The following SLC22A24 variants were observed in gnomAD, a reference collection of about 807,000 sequenced individuals.
The protein encoded by SLC22A24 is solute carrier family 22 member 24.
Under a neutral mutation model 49.8 loss-of-function variants are expected in SLC22A24, and 53 were observed. That is an observed-to-expected ratio of 1.06 (90% CI 0.85 to 1.34). SLC22A24 has a LOEUF of 1.34. Ranked by LOEUF, SLC22A24 falls within the 40% of genes most tolerant of loss-of-function variation. The pLI is 0.00. For missense variants in SLC22A24, 786 were observed against 675.9 expected (o/e 1.16, Z -1.81); for synonymous variants, 302 against 256.4 (o/e 1.18, Z -1.70).
At chr11:63,119,515 T>C (rs1309304775) in intron 2 of SLC22A24, among the ~76,000 whole-genome samples, 180 bp from the exon 3 acceptor site, 1 of 152,148 alleles carries the variant, frequency 6.6e-6, no homozygotes, top group Non-Finnish European at 1.5e-5. Context: ...ACCCTCCCTA[T>C]TTGTCAGTAT....
chr11:63,120,464 TA>T (rs1203548957), intron 2 of SLC22A24, among the ~76,000 whole-genome samples: 88 of 148,630 alleles, frequency 5.9e-4, no homozygotes, highest in East Asian at 1.2e-3. Context: ...AAAAAATAAA[TA>T]AAAAAAAAGA....
intron 5 of SLC22A24, among the ~76,000 whole-genome samples, chr11:63,098,181 T>C (rs1214144048): frequency 2.6e-5 from 4 of 152,090 alleles, no homozygotes; most frequent in African/African-American, 4.8e-5. Context: ...CTTTAGAAAC[T>C]ATACAGACAC....
intron 1 of SLC22A24, among the ~76,000 whole-genome samples, chr11:63,142,073 CATT>C (rs2087419062): frequency 1.3e-5 from 2 of 152,090 alleles, no homozygotes; most frequent in Admixed American, 1.3e-4. Context: ...TCCTAGGACT[CATT>C]ATTTACCTTA....
At chr11:63,100,274 C>G (rs1467322124) in intron 5 of SLC22A24, among the ~76,000 whole-genome samples, 1 of 151,972 alleles carries the variant, frequency 6.6e-6, no homozygotes, top group Non-Finnish European at 1.5e-5. Flanking sequence ...TATATGACAA[C>G]AGTGAACAAT....
intron 6 of SLC22A24, among the ~76,000 whole-genome samples, chr11:63,088,303 A>G (rs2135194531): frequency 6.6e-6 from 1 of 152,268 alleles, no homozygotes; most frequent in East Asian, 1.9e-4. Context: ...GTGGACCTCA[A>G]ACAAACTGCA....
At chr11:63,096,228 G>T in intron 5 of SLC22A24, 122 bp from the exon 6 acceptor site, 2 of 631,858 alleles carry the variant, frequency 3.2e-6, no homozygotes, top group Non-Finnish European at 5.6e-6. Flanking sequence ...TTTCTGTCTA[G>T]TGGGGAATAT....
chr11:63,104,117 T>C, intron 5 of SLC22A24, 58 bp downstream of exon 5: 3 of 1,535,028 alleles, frequency 2.0e-6, no homozygotes, highest in South Asian at 2.4e-5. Flanking sequence ...TAGACTAGTA[T>C]GATTGTGAGG....
chr11:63,103,340 C>T (rs145345137), intron 5 of SLC22A24, among the ~76,000 whole-genome samples: 57 of 152,244 alleles, frequency 3.7e-4, no homozygotes, highest in Admixed American at 8.5e-4. Context: ...AAAGTGGATA[C>T]TTCCTCTGTG....
chr11:63,098,186 A>G (rs936646286), intron 5 of SLC22A24, among the ~76,000 whole-genome samples: 1 of 152,182 alleles, frequency 6.6e-6, no homozygotes, highest in African/African-American at 2.4e-5. Context: ...GAAACTATAC[A>G]GACACATGGA....
intron 5 of SLC22A24, among the ~76,000 whole-genome samples, chr11:63,097,676 A>G (rs551389224): frequency 8.5e-5 from 13 of 152,316 alleles, no homozygotes; most frequent in African/African-American, 2.4e-4. Flanking sequence ...ATGTGCATCA[A>G]TGATAGACTG....
intron 5 of SLC22A24, among the ~76,000 whole-genome samples, chr11:63,096,388 C>T (rs545465027): frequency 1.3e-5 from 2 of 152,092 alleles, no homozygotes; most frequent in Non-Finnish European, 2.9e-5. Flanking sequence ...CATTATAAAT[C>T]GGAGGAAATG....
chr11:63,122,134 A>G (rs1488669919), intron 2 of SLC22A24, among the ~76,000 whole-genome samples: 1 of 152,072 alleles, frequency 6.6e-6, no homozygotes, highest in Admixed American at 6.6e-5. Context: ...ATTTACCATC[A>G]TTTTTCTTTT....
At chr11:63,131,726 T>A (rs2087336908) in intron 2 of SLC22A24, among the ~76,000 whole-genome samples, 3 of 152,206 alleles carry the variant, frequency 2.0e-5, no homozygotes, top group African/African-American at 7.2e-5. Context: ...TGTCTTCGTT[T>A]CTACCTTGGT....
At chr11:63,109,141 C>G (rs1407944513) in intron 4 of SLC22A24, among the ~76,000 whole-genome samples, 1 of 150,802 alleles carries the variant, frequency 6.6e-6, no homozygotes, top group African/African-American at 2.4e-5. Flanking sequence ...ATGATGATTT[C>G]CAGTTTCATC....
intron 2 of SLC22A24, among the ~76,000 whole-genome samples, chr11:63,130,538 C>T (rs779720089): frequency 1.2e-4 from 19 of 152,078 alleles, no homozygotes; most frequent in African/African-American, 4.6e-4. Context: ...GGAATAGTTT[C>T]AGAAGGAATG....
intron 4 of SLC22A24, among the ~76,000 whole-genome samples, chr11:63,117,552 C>A (rs953640243): frequency 2.0e-5 from 3 of 152,166 alleles, no homozygotes; most frequent in Non-Finnish European, 4.4e-5. Context: ...TTTGCCACCC[C>A]TGAGATGGCA....
intron 2 of SLC22A24, among the ~76,000 whole-genome samples, chr11:63,129,735 A>T (rs78691104): frequency 0.024 from 3,609 of 152,166 alleles, 124 homozygotes; most frequent in African/African-American, 0.081. Flanking sequence ...TTCTCTTTGT[A>T]GTAACTGTGG....
At position 63,096,029 on chromosome 11, in the gene SLC22A24, G is replaced by C. The variant is rs2087052261; in HGVS notation, c.1032C>G (p.Pro344=). The change falls in exon 6 of 10, where the codon CCC becomes CCG. Residue 344 remains proline, a synonymous_variant. Coordinates refer to ENST00000612278, the MANE Select transcript of SLC22A24 (RefSeq NM_001136506.2). ...KTSIFSLFRA[P]KLRMRVFGLC... is the part of the protein sequence containing the mutation. ...GGCCGAAGACTCTCATTCGCAATTT[G>C]GGTGCACGGAACAGGGAAAAAATGG... The C allele has an allele frequency of 6.4e-7, 1 of 1,550,696 alleles. No homozygotes were observed. The highest frequency in any genetic ancestry group is 8.7e-7 in the Non-Finnish European group (1 of 1,146,364).
intron 1 of SLC22A24, among the ~76,000 whole-genome samples, chr11:63,136,414 A>G (rs550535677): frequency 5.3e-5 from 8 of 152,324 alleles, no homozygotes; most frequent in South Asian, 2.1e-4. Flanking sequence ...AAAGGGCCCA[A>G]TTCTTCTCCA....
Sources: allele counts gnomAD v4.1 joint callset (sites outside exome capture counted in the v4.1 genomes callset), GRCh38; gene constraint gnomAD v4.1.1; transcripts MANE v1.5; gene names NCBI Gene and HGNC (gene_info 2026-07-23, HGNC 2026-07-21).